The following PLSCR4 variants were observed in gnomAD, a reference collection of about 807,000 sequenced individuals.
PLSCR4 encodes phospholipid scramblase 4, also known as Ca(2+)-dependent phospholipid scramblase 4.
A neutral mutation model predicts 36.3 loss-of-function variants in PLSCR4; 25 were observed. That is an observed-to-expected ratio of 0.69 (90% CI 0.50 to 0.96). The LOEUF (loss-of-function observed/expected upper bound fraction) is 0.96, where lower values mean the gene tolerates loss of function less well. Ranked by LOEUF, PLSCR4 falls within the 40% of genes least tolerant of loss-of-function variation. The pLI is 0.00. For missense variants in PLSCR4, 408 were observed against 414.7 expected (o/e 0.98, Z 0.14); for synonymous variants, 122 against 132.9 (o/e 0.92, Z 0.56).
At chr3:146,224,502 T>C (rs1033559464) in intron 1 of PLSCR4, among the ~76,000 whole-genome samples, 2 of 151,376 alleles carry the variant, frequency 1.3e-5, no homozygotes, top group Non-Finnish European at 2.9e-5. Flanking sequence ...TATGTTCCGA[T>C]GTATTCGGAG....
Position 146,193,705 on chromosome 3 carries a change from GAT to G in PLSCR4, c.*704_*705del, listed in dbSNP as rs780159788. Reference sequence around the variant, plus strand: ...TGTGGCCCTGGCCAGCTCCTTTCCTGATAGTCTGATTCTGCCTTCATATATAG... The same window carrying G: ...TGTGGCCCTGGCCAGCTCCTTTCCTGAGTCTGATTCTGCCTTCATATATAG... On this transcript the variant is annotated 3_prime_UTR_variant, in exon 9 of 9. Transcript: ENST00000354952. 1.1e-4 allele frequency: 16 copies of G among 152,192 alleles called. No homozygotes were observed. Among genetic ancestry groups the G allele is most frequent in the Non-Finnish European group, 2.1e-4 (14 of 68,038 alleles). The allele number at this position is 152,192 out of a possible 1,614,324, so 9.4% of individuals were successfully genotyped here. A position where few individuals can be genotyped will look rare whatever the true frequency, so the allele number is the denominator to read the frequency against.
chr3:146,211,317 C>A (rs1188978641), intron 3 of PLSCR4, among the ~76,000 whole-genome samples: 10 of 152,014 alleles, frequency 6.6e-5, no homozygotes, highest in Non-Finnish European at 5.9e-5. Context: ...TGTTCAGCAT[C>A]TTTTCATGTG....
chr3:146,223,520 G>A (rs962876241), intron 1 of PLSCR4, among the ~76,000 whole-genome samples: 1 of 152,144 alleles, frequency 6.6e-6, no homozygotes, highest in African/African-American at 2.4e-5. Context: ...TAAGAATACA[G>A]TCATTTGCGT....
chr3:146,228,095 GT>G (rs1559920476), intron 1 of PLSCR4, among the ~76,000 whole-genome samples: 2 of 152,142 alleles, frequency 1.3e-5, no homozygotes, highest in African/African-American at 4.8e-5. Context: ...AGGTTATCCT[GT>G]TAATCATGGG....
intron 1 of PLSCR4, among the ~76,000 whole-genome samples, chr3:146,242,024 G>C (rs2036170363): frequency 6.6e-6 from 1 of 152,196 alleles, no homozygotes; most frequent in Non-Finnish European, 1.5e-5. Flanking sequence ...CTCAGCCAAT[G>C]ATGGTAGTGG....
chr3:146,241,365 C>G (rs1576498143), intron 1 of PLSCR4, among the ~76,000 whole-genome samples: 1 of 152,130 alleles, frequency 6.6e-6, no homozygotes, highest in East Asian at 1.9e-4. Context: ...AAAAAGAAAG[C>G]TGGAGTGGTT....
At chr3:146,236,773 G>A (rs985671573) in intron 1 of PLSCR4, among the ~76,000 whole-genome samples, 11 of 151,900 alleles carry the variant, frequency 7.2e-5, no homozygotes, top group African/African-American at 2.7e-4. Flanking sequence ...CGTGAAAATG[G>A]ACTAATACAG....
At chr3:146,213,918 T>A (rs2034761132) in intron 3 of PLSCR4, among the ~76,000 whole-genome samples, 1 of 152,136 alleles carries the variant, frequency 6.6e-6, no homozygotes. Flanking sequence ...GTTTTATTTT[T>A]ATTTTTATTT....
At chr3:146,212,009 T>C (rs905120346) in intron 3 of PLSCR4, among the ~76,000 whole-genome samples, 3 of 152,072 alleles carry the variant, frequency 2.0e-5, no homozygotes, top group Non-Finnish European at 4.4e-5. Context: ...TTTTTCAAGA[T>C]TGTTTAGGCT....
At chr3:146,220,953 T>C in intron 2 of PLSCR4, 28 bp from the exon 3 acceptor site, 1 of 1,346,514 alleles carries the variant, frequency 7.4e-7, no homozygotes, top group Non-Finnish European at 1.0e-6. Context: ...GAACATGACT[T>C]ACAAAGGAAA....
intron 1 of PLSCR4, among the ~76,000 whole-genome samples, chr3:146,243,561 G>C (rs1420058380): frequency 2.0e-5 from 3 of 152,112 alleles, no homozygotes; most frequent in Admixed American, 6.6e-5. Flanking sequence ...AAAACTTTCA[G>C]CACCAACATG....
intron 1 of PLSCR4, among the ~76,000 whole-genome samples, chr3:146,243,690 A>G (rs1030409161): frequency 6.6e-6 from 1 of 152,212 alleles, no homozygotes; most frequent in African/African-American, 2.4e-5. Context: ...TCATCACAGA[A>G]TAAGAAATTG....
At chr3:146,216,025 G>T (rs1431360776) in intron 3 of PLSCR4, among the ~76,000 whole-genome samples, 1 of 152,148 alleles carries the variant, frequency 6.6e-6, no homozygotes, top group Non-Finnish European at 1.5e-5. Context: ...GAGGTCAGGA[G>T]TTTGAGACCA....
At chr3:146,232,724 T>C (rs2035763569) in intron 1 of PLSCR4, among the ~76,000 whole-genome samples, 1 of 152,098 alleles carries the variant, frequency 6.6e-6, no homozygotes, top group Non-Finnish European at 1.5e-5. Context: ...TGTTTATCAG[T>C]TCTAGGAGCC....
At chr3:146,239,371 A>C (rs950329727) in intron 1 of PLSCR4, among the ~76,000 whole-genome samples, 2 of 152,204 alleles carry the variant, frequency 1.3e-5, no homozygotes, top group Non-Finnish European at 2.9e-5. Flanking sequence ...ATTGGTCCAA[A>C]GAATAGACAT....
At chr3:146,226,464 T>C (rs73150844) in intron 1 of PLSCR4, among the ~76,000 whole-genome samples, 14,796 of 152,296 alleles carry the variant, frequency 0.097, 958 homozygotes, top group Middle Eastern at 0.17. Context: ...CAAATTATTA[T>C]ATCTATGTGT....
chr3:146,214,097 A>G (rs908171003), intron 3 of PLSCR4, among the ~76,000 whole-genome samples: 1 of 148,168 alleles, frequency 6.7e-6, no homozygotes, highest in Admixed American at 6.7e-5. Flanking sequence ...GGAAAGTTTG[A>G]TTACTGATTT....
intron 1 of PLSCR4, among the ~76,000 whole-genome samples, chr3:146,235,596 A>G (rs2035882801): frequency 6.6e-6 from 1 of 152,196 alleles, no homozygotes; most frequent in African/African-American, 2.4e-5. Context: ...GGAGTGGGGC[A>G]CTGCTATAAA....
chr3:146,210,911 A>G (rs2034584955), intron 3 of PLSCR4, among the ~76,000 whole-genome samples: 1 of 151,958 alleles, frequency 6.6e-6, no homozygotes, highest in Non-Finnish European at 1.5e-5. Flanking sequence ...ATAAGTACTT[A>G]ATTCCATTTT....
Sources: gnomAD v4.1 joint callset for allele counts (sites outside exome capture counted in the v4.1 genomes callset) on GRCh38, gnomAD v4.1.1 for gene constraint, MANE v1.5 for transcripts, NCBI Gene and HGNC (gene_info 2026-07-23, HGNC 2026-07-21) for gene names.